COLQ: variants seen among roughly 807,000 people sequenced by gnomAD.
The protein encoded by COLQ is collagen like tail subunit of asymmetric acetylcholinesterase, also known as acetylcholinesterase collagenic tail peptide.
Under a neutral mutation model 69.0 loss-of-function variants are expected in COLQ, and 48 were observed. The observed-to-expected ratio is 0.70, with a 90% CI of 0.55 to 0.88. The LOEUF is 0.88. COLQ is among the 40% of genes least tolerant of loss of function. COLQ has a pLI of 0.00. For missense variants in COLQ, 618 were observed against 594.6 expected, an observed-to-expected ratio of 1.04 and a Z score of -0.41; for synonymous variants, 217 against 211.2, an observed-to-expected ratio of 1.03 and a Z score of -0.24.
chr3:15,472,447 A>G (rs192270811), intron 10 of COLQ, among the ~76,000 whole-genome samples: 5 of 152,356 alleles, frequency 3.3e-5, no homozygotes, highest in South Asian at 2.1e-4. Flanking sequence ...AAAAGGTAAG[A>G]TAAAAATTGT....
At chr3:15,508,246 A>C (rs570229360) in intron 1 of COLQ, among the ~76,000 whole-genome samples, 11 of 152,336 alleles carry the variant, frequency 7.2e-5, no homozygotes, top group African/African-American at 2.6e-4. Flanking sequence ...AAACTACCTT[A>C]GGTAGCCTGC....
intron 2 of COLQ, 63 bp from the exon 3 acceptor site, chr3:15,488,370 C>A: frequency 7.2e-7 from 1 of 1,385,920 alleles, no homozygotes; most frequent in Non-Finnish European, 1.0e-6. Context: ...GGGTCACCAT[C>A]CTGGACACAG....
rs561890541 is a variant in COLQ, at chr3:15,492,972, C to T, written c.107-3335G>A. Among the ~76,000 whole-genome samples, 24 of 152,294 alleles carry T rather than the reference C, an allele frequency of 1.6e-4. No homozygotes were observed. In the East Asian group the frequency reaches 1.9e-3, roughly 12 times the overall value. On this transcript the variant is annotated intron_variant, in intron 1 of 16. Coordinates refer to ENST00000383788, the MANE Select transcript of COLQ (RefSeq NM_005677.4). ...AAGTTCCATAGAACCCAGCACTCAA[C>T]GCCAAAGCAGCATCCACTCCAGGTC...
chr3:15,489,990 G>C (rs894546988), intron 1 of COLQ, among the ~76,000 whole-genome samples: 12 of 152,224 alleles, frequency 7.9e-5, no homozygotes, highest in African/African-American at 2.9e-4. Context: ...GGAGAAGAAA[G>C]TGCTTGCTAA....
chr3:15,460,223 C>T (rs1033086521), intron 12 of COLQ, among the ~76,000 whole-genome samples: 23 of 152,164 alleles, frequency 1.5e-4, no homozygotes, highest in Admixed American at 3.9e-4. Flanking sequence ...TCCACCAGGG[C>T]TTACACAAAG....
At chr3:15,476,456 C>T (rs2062379743) in intron 6 of COLQ, among the ~76,000 whole-genome samples, 1 of 152,162 alleles carries the variant, frequency 6.6e-6, no homozygotes, top group South Asian at 2.1e-4. Flanking sequence ...TTTAAAATAT[C>T]CTTTTGGGAC....
At chr3:15,512,376 C>T (rs1251844129) in intron 1 of COLQ, among the ~76,000 whole-genome samples, 1 of 152,158 alleles carries the variant, frequency 6.6e-6, no homozygotes, top group Admixed American at 6.5e-5. Flanking sequence ...ATGCTGGTTG[C>T]CATGAGAGAT....
intron 5 of COLQ, 63 bp from the exon 6 acceptor site, chr3:15,477,260 GT>G: frequency 6.8e-7 from 1 of 1,463,418 alleles, no homozygotes; most frequent in South Asian, 1.2e-5. Flanking sequence ...TAATAAATAT[GT>G]TTTGTCTCTG....
chr3:15,474,169 G>GT, intron 9 of COLQ, 59 bp downstream of exon 9: 1 of 1,603,548 alleles, frequency 6.2e-7, no homozygotes, highest in Non-Finnish European at 8.5e-7. Context: ...ATGGGGGTGG[G>GT]TGGGGGCTGC....
At chr3:15,510,368 G>T (rs1031284252) in intron 1 of COLQ, among the ~76,000 whole-genome samples, 1 of 152,036 alleles carries the variant, frequency 6.6e-6, no homozygotes, top group Admixed American at 6.5e-5. Context: ...CTAAAATGGA[G>T]ACTCTTATTA....
chr3:15,479,089 C>G (rs2062431673), intron 4 of COLQ, 86 bp from the exon 5 acceptor site: 19 of 1,544,506 alleles, frequency 1.2e-5, no homozygotes, highest in Admixed American at 1.7e-5. Context: ...GATGACTGGG[C>G]ATGGCCATGT....
At chr3:15,483,353 G>A (rs944383110) in intron 3 of COLQ, among the ~76,000 whole-genome samples, 1 of 152,158 alleles carries the variant, frequency 6.6e-6, no homozygotes, top group Non-Finnish European at 1.5e-5. Flanking sequence ...GGCATTTAGT[G>A]CTATAAATTT....
intron 1 of COLQ, among the ~76,000 whole-genome samples, chr3:15,497,255 G>T (rs1469530367): frequency 6.6e-6 from 1 of 151,938 alleles, no homozygotes; most frequent in Non-Finnish European, 1.5e-5. Flanking sequence ...TGTTGGCCAG[G>T]CTGGTCTTGA....
chr3:15,461,195 C>A (rs1016892913), intron 12 of COLQ, among the ~76,000 whole-genome samples: 9 of 147,744 alleles, frequency 6.1e-5, no homozygotes, highest in African/African-American at 1.2e-4. Context: ...TTATTCCCCC[C>A]CCGACCTCTT....
At chr3:15,488,400 C>A in intron 2 of COLQ, 93 bp from the exon 3 acceptor site, 1 of 1,055,030 alleles carries the variant, frequency 9.5e-7, no homozygotes, top group Non-Finnish European at 1.4e-6. Context: ...GGGATCAGGT[C>A]TCTAAGCCTG....
At chr3:15,458,846 ATTT>A (rs397874056) in intron 12 of COLQ, among the ~76,000 whole-genome samples, 1 of 145,534 alleles carries the variant, frequency 6.9e-6, no homozygotes. Context: ...TATATATAGA[ATTT>A]TTTTTTTTTT....
rs375712012 is a variant in COLQ at position 15,451,733 on chromosome 3, G to A, written c.1299-20C>T. The A allele has an allele frequency of 3.4e-5, 55 of 1,607,480 alleles. No homozygotes were observed. The highest frequency in any genetic ancestry group is 4.3e-5 in the Non-Finnish European group (51 of 1,174,502). On this transcript the variant is annotated intron_variant, in intron 16 of 16. Transcript: ENST00000383788. ...TATGACCTGAGGGAGGCAAAGACAC[G>A]TTCTAAAAGGCCACCTCTTATATGC...
chr3:15,516,087 T>G (rs557707189), intron 1 of COLQ, among the ~76,000 whole-genome samples: 2 of 152,290 alleles, frequency 1.3e-5, no homozygotes, highest in East Asian at 3.9e-4. Context: ...ACGCAGAGGC[T>G]TGGGATGGGG....
At chr3:15,459,516 T>A (rs888111669) in intron 12 of COLQ, among the ~76,000 whole-genome samples, 2 of 150,502 alleles carry the variant, frequency 1.3e-5, no homozygotes, top group African/African-American at 4.9e-5. Context: ...CCTCACTCTG[T>A]CGCCCAGGGT....
Sources: allele counts gnomAD v4.1 joint callset (sites outside exome capture counted in the v4.1 genomes callset), GRCh38; gene constraint gnomAD v4.1.1; transcripts MANE v1.5; gene names NCBI Gene and HGNC (gene_info 2026-07-23, HGNC 2026-07-21).